The following CNTNAP2 variants were observed in gnomAD, a reference collection of about 807,000 sequenced individuals.
The protein encoded by CNTNAP2 is contactin-associated protein-like 2.
CNTNAP2 carries 98 observed loss-of-function variants against 155.2 expected under a neutral mutation model. The observed-to-expected ratio is 0.63, with a 90% CI of 0.54 to 0.75. CNTNAP2 has a LOEUF of 0.75. Among genes scored for constraint, CNTNAP2 ranks in the 30% least tolerant of loss-of-function variants. CNTNAP2 has a pLI of 0.00. For synonymous variants in CNTNAP2, 651 were observed against 631.2 expected, an observed-to-expected ratio of 1.03 and a Z score of -0.47; for missense variants, 1,727 against 1,688.1, an observed-to-expected ratio of 1.02 and a Z score of -0.40.
At chr7:148,219,481 A>G (rs1313001371) in intron 19 of CNTNAP2, among the ~76,000 whole-genome samples, 2 of 151,942 alleles carry the variant, frequency 1.3e-5, no homozygotes, top group Non-Finnish European at 2.9e-5. Flanking sequence ...ATTGCTTGAG[A>G]CCAGTAGTTC....
At chr7:147,323,807 A>G (rs1159167740) in intron 9 of CNTNAP2, among the ~76,000 whole-genome samples, 3 of 152,168 alleles carry the variant, frequency 2.0e-5, no homozygotes, top group Admixed American at 6.6e-5. Context: ...GCAATAGAAT[A>G]TTTTTTAATT....
At chr7:147,762,544 A>T (rs1288688675) in intron 13 of CNTNAP2, among the ~76,000 whole-genome samples, 3 of 151,792 alleles carry the variant, frequency 2.0e-5, no homozygotes, top group African/African-American at 7.3e-5. Flanking sequence ...CCATTTCCAG[A>T]TGCTTTTTTT....
chr7:147,681,232 A>G (rs928142184), intron 13 of CNTNAP2, among the ~76,000 whole-genome samples: 2 of 152,018 alleles, frequency 1.3e-5, no homozygotes, highest in African/African-American at 4.8e-5. Flanking sequence ...ACACTGTGAA[A>G]TGGTGAAGAC....
intron 1 of CNTNAP2, among the ~76,000 whole-genome samples, chr7:146,530,034 T>C (rs1797746376): frequency 6.6e-6 from 1 of 151,992 alleles, no homozygotes; most frequent in Admixed American, 6.6e-5. Flanking sequence ...AAAGGGGAAA[T>C]TCCTCTTGTA....
chr7:146,431,221 G>C (rs1176034784), intron 1 of CNTNAP2, among the ~76,000 whole-genome samples: 1 of 151,976 alleles, frequency 6.6e-6, no homozygotes, highest in Non-Finnish European at 1.5e-5. Flanking sequence ...CAAACTTATA[G>C]AAACAGAAAG....
chr7:146,938,463 AT>A (rs1312916768), intron 3 of CNTNAP2, among the ~76,000 whole-genome samples: 3 of 150,184 alleles, frequency 2.0e-5, no homozygotes, highest in Non-Finnish European at 4.4e-5. Context: ...ACACATATAT[AT>A]GTATATATAA....
chr7:148,257,039 G>T (rs1259415715), intron 20 of CNTNAP2, among the ~76,000 whole-genome samples: 7 of 152,102 alleles, frequency 4.6e-5, no homozygotes, highest in Non-Finnish European at 1.0e-4. Context: ...GAGCATTCTG[G>T]GCAAAAGATA....
chr7:147,535,467 G>A (rs1799523185), intron 11 of CNTNAP2, among the ~76,000 whole-genome samples: 1 of 152,032 alleles, frequency 6.6e-6, no homozygotes, highest in Non-Finnish European at 1.5e-5. Context: ...GTTAAAAGGT[G>A]GAAATTAAAT....
chr7:147,759,299 T>G (rs1282958505), intron 13 of CNTNAP2, among the ~76,000 whole-genome samples: 1 of 152,200 alleles, frequency 6.6e-6, no homozygotes, highest in Non-Finnish European at 1.5e-5. Context: ...AACTCAAAAT[T>G]GTCTGAATCC....
intron 11 of CNTNAP2, among the ~76,000 whole-genome samples, chr7:147,538,586 G>A (rs1799588379): frequency 6.6e-6 from 1 of 152,034 alleles, no homozygotes; most frequent in South Asian, 2.1e-4. Flanking sequence ...GGAGGTCAAG[G>A]CTGCAATGAG....
At chr7:148,338,567 G>T (rs945571715) in intron 21 of CNTNAP2, among the ~76,000 whole-genome samples, 1 of 151,946 alleles carries the variant, frequency 6.6e-6, no homozygotes, top group Non-Finnish European at 1.5e-5. Flanking sequence ...GGTGAGGGGG[G>T]GGTGAGTTAC....
At chr7:147,646,522 C>T (rs1227679662) in intron 13 of CNTNAP2, among the ~76,000 whole-genome samples, 1 of 152,108 alleles carries the variant, frequency 6.6e-6, no homozygotes, top group African/African-American at 2.4e-5. Flanking sequence ...GTTTTCCATT[C>T]TTGTATTTAT....
intron 13 of CNTNAP2, among the ~76,000 whole-genome samples, chr7:147,784,494 A>AATATATAT (rs10528525): frequency 6.4e-4 from 29 of 45,000 alleles, no homozygotes; most frequent in South Asian, 2.3e-3. Flanking sequence ...GCTCTGGACT[A>AATATATAT]ATATATATAT....
intron 12 of CNTNAP2, among the ~76,000 whole-genome samples, chr7:147,572,749 A>G (rs77631890): frequency 2.9e-3 from 435 of 151,862 alleles, no homozygotes; most frequent in African/African-American, 9.9e-3. Flanking sequence ...GGGAAATTCA[A>G]TTAAGATCAA....
intron 13 of CNTNAP2, among the ~76,000 whole-genome samples, chr7:147,781,183 A>G (rs555033964): frequency 1.3e-5 from 2 of 152,324 alleles, no homozygotes; most frequent in East Asian, 1.9e-4. Flanking sequence ...ATTTTCTTAG[A>G]TCATTTTTCT....
chr7:147,867,894 C>A (rs1799260957), intron 13 of CNTNAP2, among the ~76,000 whole-genome samples: 1 of 152,122 alleles, frequency 6.6e-6, no homozygotes, highest in Non-Finnish European at 1.5e-5. Flanking sequence ...TGTGTTAGAA[C>A]ATGCTCCTTT....
chr7:147,469,883 C>T (rs1363999229), intron 10 of CNTNAP2, among the ~76,000 whole-genome samples: 1 of 151,956 alleles, frequency 6.6e-6, no homozygotes, highest in Non-Finnish European at 1.5e-5. Flanking sequence ...TGCACAAAGT[C>T]AAAAGTGATG....
intron 10 of CNTNAP2, among the ~76,000 whole-genome samples, chr7:147,454,411 A>G (rs1003135544): frequency 2.6e-5 from 4 of 152,128 alleles, no homozygotes; most frequent in African/African-American, 2.4e-5. Context: ...ACTGTATTAT[A>G]CAGTATTTTG....
At chr7:146,959,684 C>T (rs554143971) in intron 3 of CNTNAP2, among the ~76,000 whole-genome samples, 2 of 143,658 alleles carry the variant, frequency 1.4e-5, no homozygotes, top group Non-Finnish European at 3.0e-5. Flanking sequence ...CATACCACTG[C>T]ACTCCAGCCT....
Sources: allele counts gnomAD v4.1 joint callset (sites outside exome capture counted in the v4.1 genomes callset), GRCh38; gene constraint gnomAD v4.1.1; transcripts MANE v1.5; gene names NCBI Gene and HGNC (gene_info 2026-07-23, HGNC 2026-07-21).